The following HSPB8 variants were observed in gnomAD, a reference collection of about 807,000 sequenced individuals.
HSPB8 encodes heat shock protein beta-8.
A neutral mutation model predicts 16.5 loss-of-function variants in HSPB8; 9 were observed. That is an observed-to-expected ratio of 0.55 (90% CI 0.33 to 0.95). HSPB8 has a LOEUF of 0.95. Among genes scored for constraint, HSPB8 ranks in the 40% least tolerant of loss-of-function variants. HSPB8 has a pLI of 0.03. For missense variants in HSPB8, 238 were observed against 251.2 expected, an observed-to-expected ratio of 0.95 and a Z score of 0.35; for synonymous variants, 99 against 94.8, an observed-to-expected ratio of 1.04 and a Z score of -0.26.
At chr12:119,193,391 TTTAAG>T (rs1026427507) in intron 2 of HSPB8, among the ~76,000 whole-genome samples, 2 of 152,182 alleles carry the variant, frequency 1.3e-5, no homozygotes, top group Non-Finnish European at 2.9e-5. Flanking sequence ...ACAGCTCTCT[TTTAAG>T]TTAAGAACTA....
chr12:119,193,145 T>C (rs547275475), intron 2 of HSPB8, among the ~76,000 whole-genome samples: 3 of 152,354 alleles, frequency 2.0e-5, no homozygotes, highest in African/African-American at 7.2e-5. Flanking sequence ...AATCTACATG[T>C]GGCCAGCTTG....
At chr12:119,193,099 CTTATTTTG>C (rs1954722520) in intron 2 of HSPB8, among the ~76,000 whole-genome samples, 1 of 152,198 alleles carries the variant, frequency 6.6e-6, no homozygotes, top group African/African-American at 2.4e-5. Flanking sequence ...AAAATCAAGG[CTTATTTTG>C]AATACCATCG....
chr12:119,181,130 G>A (rs1229353255), intron 1 of HSPB8, among the ~76,000 whole-genome samples: 1 of 152,222 alleles, frequency 6.6e-6, no homozygotes, highest in Non-Finnish European at 1.5e-5. Flanking sequence ...TGTAAAATGT[G>A]TACATACCTG....
Position 119,194,152 on chromosome 12 carries a change from G to C in HSPB8, c.*294G>C. 2.3e-6 allele frequency: 1 copy of C among 440,784 alleles called. No individual in the cohort carries two copies. Among genetic ancestry groups the C allele is most frequent in the East Asian group, 4.7e-5 (1 of 21,080 alleles). The allele number at this position is 440,784 out of a possible 1,614,324, so 27.3% of individuals were successfully genotyped here. The stretch of plus-strand genomic sequence containing the variant: ...TATAGTTGCAAAACACATAAAAGGG[G>C]ACTTAACATTTCACGTTGTATCTTA... On this transcript the variant is annotated 3_prime_UTR_variant, in exon 3 of 3. Transcript: ENST00000281938.
chr12:119,185,416 C>T (rs1954669358), intron 1 of HSPB8, among the ~76,000 whole-genome samples: 1 of 152,272 alleles, frequency 6.6e-6, no homozygotes, highest in South Asian at 2.1e-4. Context: ...TCACTGCAAC[C>T]TCTGCCTCCC....
Position 119,179,463 on chromosome 12 carries a change from T to C in HSPB8, c.151T>C (p.Trp51Arg). 3 of 1,614,082 alleles carry C rather than the reference T, an allele frequency of 1.9e-6. No individual in the cohort carries two copies. Among genetic ancestry groups the C allele is most frequent in the Non-Finnish European group, 1.7e-6 (2 of 1,180,016 alleles). ...PDDLTASWPD[W>R]ALPRLSSAWP... is the part of the protein sequence containing the mutation. ...CGACTTGACAGCCTCTTGGCCCGACTGGGCTCTGCCTCGTCTCTCCTCCGC... is the reference window on the plus strand; with the variant it reads ...CGACTTGACAGCCTCTTGGCCCGACCGGGCTCTGCCTCGTCTCTCCTCCGC... Residue 51 changes from tryptophan to arginine, a missense_variant, in exon 1 of 3, where the codon TGG becomes CGG. Coordinates refer to ENST00000281938, the MANE Select transcript of HSPB8 (RefSeq NM_014365.3).
At chr12:119,181,946 C>G (rs1954640749) in intron 1 of HSPB8, 1 of 152,204 alleles carries the variant, frequency 6.6e-6, no homozygotes, top group African/African-American at 2.4e-5. Context: ...TATCACCATT[C>G]CTTCTGTCCT....
chr12:119,188,991 C>T (rs561116876), intron 2 of HSPB8, among the ~76,000 whole-genome samples: 5 of 152,364 alleles, frequency 3.3e-5, no homozygotes, highest in Admixed American at 2.0e-4. Flanking sequence ...ATTCCTGTCT[C>T]TTCCCCCACA....
chr12:119,182,084 A>G (rs766595567), intron 1 of HSPB8: 1 of 152,142 alleles, frequency 6.6e-6, no homozygotes, highest in Non-Finnish European at 1.5e-5. Context: ...GGTGCTTCAT[A>G]ACAGGTGGGG....
intron 2 of HSPB8, among the ~76,000 whole-genome samples, chr12:119,189,302 G>GGGGTGT (rs774407484): frequency 1.4e-5 from 2 of 143,304 alleles, no homozygotes; most frequent in Admixed American, 7.0e-5. Flanking sequence ...TCTTAAAAGG[G>GGGGTGT]GTGTGTGTGT....
At chr12:119,188,842 G>C (rs1954693524) in intron 2 of HSPB8, among the ~76,000 whole-genome samples, 1 of 152,176 alleles carries the variant, frequency 6.6e-6, no homozygotes, top group Non-Finnish European at 1.5e-5. Context: ...GCCCAGCGTA[G>C]GTCCTCATAA....
rs1460338378 is a variant in HSPB8 at position 119,188,833 on chromosome 12, C to T, written c.431+1745C>T. Among the ~76,000 whole-genome samples the T allele has an allele frequency of 2.0e-5, 3 of 152,172 alleles. No homozygotes were observed. The East Asian group carries it at 5.8e-4, about 29-fold the overall frequency. On this transcript the variant is annotated intron_variant, in intron 2 of 2. Coordinates refer to ENST00000281938, the MANE Select transcript of HSPB8 (RefSeq NM_014365.3). ...GGCTGAAAGTGACATAAGGTCATGGCCCAGCGTAGGTCCTCATAAGTGGGA... is the reference window on the plus strand; with the variant it reads ...GGCTGAAAGTGACATAAGGTCATGGTCCAGCGTAGGTCCTCATAAGTGGGA...
chr12:119,186,104 C>G (rs189495122), intron 1 of HSPB8, among the ~76,000 whole-genome samples: 1 of 152,072 alleles, frequency 6.6e-6, no homozygotes, highest in African/African-American at 2.4e-5. Context: ...GAGGAGAGAC[C>G]GAGAGAATTA....
chr12:119,187,404 G>C (rs1954683793), intron 2 of HSPB8, among the ~76,000 whole-genome samples: 1 of 152,178 alleles, frequency 6.6e-6, no homozygotes, highest in Middle Eastern at 3.4e-3. Context: ...ACCCAGTCTG[G>C]AGTGCAGCGG....
In HSPB8 at chr12:119,190,432, T is replaced by C. The variant is rs77281079; in HGVS notation, c.432-3267T>C. ...GTTTGCCTTAACCATGGCAAGGAAATTCATCTCAACACATCCATCTCTGTG... is the reference window on the plus strand; with the variant it reads ...GTTTGCCTTAACCATGGCAAGGAAACTCATCTCAACACATCCATCTCTGTG... On this transcript the variant is annotated intron_variant, in intron 2 of 2. Transcript: ENST00000281938. Among the ~76,000 whole-genome samples the C allele has an allele frequency of 8.7e-3, 1,324 of 152,268 alleles. 22 individuals carry two copies. Among genetic ancestry groups the C allele is most frequent in the African/African-American group, 0.03 (1,232 of 41,552 alleles).
intron 1 of HSPB8, among the ~76,000 whole-genome samples, chr12:119,185,623 C>T (rs762540787): frequency 4.0e-5 from 6 of 150,280 alleles, no homozygotes; most frequent in South Asian, 2.1e-4. Context: ...TAAGTCACCA[C>T]GCCCTGCCTA....
Position 119,179,212 on chromosome 12 carries a change from T to C in HSPB8, c.-101T>C. The stretch of plus-strand genomic sequence containing the variant: ...GCAGAAAAGCAGCATTTTCGGAAGC[T>C]GAAGAATAAGCTAGCCCAGCCACAC... On this transcript the variant is annotated 5_prime_UTR_variant, in exon 1 of 3. Transcript: ENST00000281938. 2 of 1,270,766 alleles carry C rather than the reference T, an allele frequency of 1.6e-6. No individual in the cohort carries two copies. The highest frequency in any genetic ancestry group is 2.3e-6 in the Non-Finnish European group (2 of 882,346). The allele number at this position is 1,270,766 out of a possible 1,614,324, so 78.7% of individuals were successfully genotyped here. A position where few individuals can be genotyped will look rare whatever the true frequency, so the allele number is the denominator to read the frequency against.
Position 119,194,049 on chromosome 12 carries a change from C to A in HSPB8, c.*191C>A. The A allele has an allele frequency of 1.5e-6, 1 of 666,130 alleles. No individual in the cohort carries two copies. The highest frequency in any genetic ancestry group is 2.6e-6 in the Non-Finnish European group (1 of 378,542). The allele number at this position is 666,130 out of a possible 1,614,324, so 41.3% of individuals were successfully genotyped here. On this transcript the variant is annotated 3_prime_UTR_variant, in exon 3 of 3. Transcript: ENST00000281938. ...CCACAGGATAGCGCAATTGGCAAAT[C>A]ATGCTTGGTTGTGTTAGGCCAAAAT...
Position 119,193,878 on chromosome 12 carries a change from C to A in HSPB8, c.*20C>A. 6.2e-7 allele frequency: 1 copy of A among 1,613,548 alleles called. No individual in the cohort carries two copies. Among genetic ancestry groups the A allele is most frequent in the Non-Finnish European group, 8.5e-7 (1 of 1,179,606 alleles). The stretch of plus-strand genomic sequence containing the variant: ...ACCTGAGATGCCAGTACTGGCCCAT[C>A]CTTGTTTTGTCCCCAACCCTAGGGC... On this transcript the variant is annotated 3_prime_UTR_variant, in exon 3 of 3. Transcript: ENST00000281938.
Sources: gnomAD v4.1 joint callset for allele counts (sites outside exome capture counted in the v4.1 genomes callset) on GRCh38, gnomAD v4.1.1 for gene constraint, MANE v1.5 for transcripts, NCBI Gene and HGNC (gene_info 2026-07-23, HGNC 2026-07-21) for gene names.